CHN2: variants seen among roughly 807,000 people sequenced by gnomAD.
The protein encoded by CHN2 is beta-chimaerin.
In CHN2, 35 loss-of-function variants were observed where a neutral mutation model predicts 56.3. The observed-to-expected ratio is 0.62, with a 90% CI of 0.47 to 0.82. The LOEUF is 0.82. Ranked by LOEUF, CHN2 falls within the 40% of genes least tolerant of loss-of-function variation. The pLI, the probability that CHN2 is intolerant of heterozygous loss-of-function variation, is 0.00. For synonymous variants in CHN2, 210 were observed against 212.8 expected, an observed-to-expected ratio of 0.99 and a Z score of 0.12; for missense variants, 491 against 580.5, an observed-to-expected ratio of 0.85 and a Z score of 1.58.
rs534062565 is a variant in CHN2, at chr7:29,348,412, C to T, written c.50-6213C>T. Among the ~76,000 whole-genome samples, 7 of 152,196 alleles carry T rather than the reference C, an allele frequency of 4.6e-5. No individual in the cohort carries two copies. The South Asian group carries it at 8.3e-4, about 18-fold the overall frequency. On this transcript the variant is annotated intron_variant, in intron 1 of 12. Coordinates refer to ENST00000222792, the MANE Select transcript of CHN2 (RefSeq NM_004067.4). ...TTTCTTTTCTTAACATGTTCAGATT[C>T]TTTATGGATTATTTCAACGGTCTTA...
chr7:29,212,281 C>G, intron 1 of CHN2: 1 of 1,060,880 alleles, frequency 9.4e-7, no homozygotes, highest in Non-Finnish European at 1.4e-6. Context: ...AATTTTTTCC[C>G]CCTCTTCCTC....
intron 1 of CHN2, among the ~76,000 whole-genome samples, chr7:29,264,595 A>T (rs1789956282): frequency 6.6e-6 from 1 of 152,254 alleles, no homozygotes; most frequent in East Asian, 1.9e-4. Context: ...TGCTTTGTTG[A>T]ACAGATGCTT....
intron 2 of CHN2, among the ~76,000 whole-genome samples, chr7:29,174,627 G>A (rs188595778): frequency 9.9e-5 from 15 of 152,256 alleles, no homozygotes; most frequent in Admixed American, 2.0e-4. Context: ...TTGGGAGGCC[G>A]ACTTGGGCGG....
At chr7:29,339,315 C>T (rs1396860497) in intron 1 of CHN2, among the ~76,000 whole-genome samples, 2 of 152,008 alleles carry the variant, frequency 1.3e-5, no homozygotes, top group African/African-American at 4.8e-5. Context: ...CCCTACCTCT[C>T]CTGACCCTCG....
chr7:29,231,900 C>T (rs574695732), intron 1 of CHN2, among the ~76,000 whole-genome samples: 1 of 152,192 alleles, frequency 6.6e-6, no homozygotes, highest in Non-Finnish European at 1.5e-5. Flanking sequence ...TGAGTGTCTG[C>T]AGATTGTTGC....
At chr7:29,180,146 T>G (rs1797877965) in intron 2 of CHN2, among the ~76,000 whole-genome samples, 1 of 152,226 alleles carries the variant, frequency 6.6e-6, no homozygotes, top group South Asian at 2.1e-4. Flanking sequence ...AGTTTTTTTA[T>G]TAGAAAGGAA....
intron 1 of CHN2, among the ~76,000 whole-genome samples, chr7:29,276,625 A>G (rs959327804): frequency 1.3e-5 from 2 of 152,236 alleles, no homozygotes; most frequent in African/African-American, 4.8e-5. Context: ...AAGAAATTGC[A>G]TGTAAATAAA....
chr7:29,367,347 A>G (rs1354023202), intron 2 of CHN2, among the ~76,000 whole-genome samples: 3 of 152,204 alleles, frequency 2.0e-5, no homozygotes, highest in Admixed American at 6.5e-5. Context: ...AGGAATGACA[A>G]TGGATGGGAA....
intron 1 of CHN2, among the ~76,000 whole-genome samples, chr7:29,223,147 A>G (rs1785931429): frequency 6.6e-6 from 1 of 152,186 alleles, no homozygotes; most frequent in South Asian, 2.1e-4. Context: ...TAAAAATAAC[A>G]ATGATATATC....
chr7:29,194,838 G>T lies in CHN2; in HGVS notation c.-104G>T. 9.1e-7 allele frequency: 1 copy of T among 1,102,306 alleles called. No individual in the cohort carries two copies. The allele number at this position is 1,102,306 out of a possible 1,614,324, so 68.3% of individuals were successfully genotyped here. On this transcript the variant is annotated 5_prime_UTR_variant, in exon 1 of 13. Coordinates refer to ENST00000222792, the MANE Select transcript of CHN2 (RefSeq NM_004067.4). ...GCTTTCTGCGCGTCCCCAGGACTTT[G>T]CCATGGGCTGGGGGCCGCGGAGGCT...
intron 1 of CHN2, among the ~76,000 whole-genome samples, chr7:29,198,399 T>TGGCG (rs1198431959): frequency 5.3e-5 from 8 of 152,262 alleles, no homozygotes; most frequent in African/African-American, 1.9e-4. Context: ...ATGTGTCATT[T>TGGCG]ATTCTATGGT....
Position 29,175,613 on chromosome 7 carries a change from T to A in CHN2, c.274+28653T>A, listed in dbSNP as rs75907734. ...AGCCGTATGGAACTGAGTCAATTTT[T>A]CCTCTTATCTTTGTAGATTACCAAT... On this transcript the variant is annotated intron_variant, in intron 2 of 6. Coordinates refer to the CHN2 transcript ENST00000439384. Among the ~76,000 whole-genome samples the A allele has an allele frequency of 2.9e-3, 440 of 152,298 alleles. 2 individuals are homozygous for A. The highest frequency in any genetic ancestry group is 0.01 in the African/African-American group (423 of 41,540).
intron 6 of CHN2, among the ~76,000 whole-genome samples, chr7:29,405,947 A>T (rs1802615736): frequency 6.6e-6 from 1 of 152,118 alleles, no homozygotes; most frequent in Non-Finnish European, 1.5e-5. Context: ...CAGGCCAAGG[A>T]GTGAATGTCC....
chr7:29,442,988 C>T (rs532102504), intron 6 of CHN2, among the ~76,000 whole-genome samples: 24 of 133,750 alleles, frequency 1.8e-4, no homozygotes, highest in Admixed American at 5.4e-4. Context: ...GGCCAGACTG[C>T]AGACTGCAGT....
intron 1 of CHN2, among the ~76,000 whole-genome samples, chr7:29,294,542 T>A (rs1429922151): frequency 6.6e-6 from 1 of 152,170 alleles, no homozygotes; most frequent in African/African-American, 2.4e-5. Flanking sequence ...ACCATTTTTG[T>A]GCCGCGTTGA....
chr7:29,364,818 A>AATTTGAGGT (rs771942801), intron 2 of CHN2, among the ~76,000 whole-genome samples: 2 of 152,210 alleles, frequency 1.3e-5, no homozygotes, highest in Admixed American at 6.5e-5. Flanking sequence ...TACATTGAGG[A>AATTTGAGGT]ATCTTTGTCC....
chr7:29,173,896 G>A (rs187058907), intron 2 of CHN2, among the ~76,000 whole-genome samples: 2 of 151,138 alleles, frequency 1.3e-5, no homozygotes, highest in Admixed American at 1.3e-4. Context: ...AGGCTGCAGT[G>A]AGCTGAGATC....
intron 2 of CHN2, among the ~76,000 whole-genome samples, chr7:29,177,580 T>C (rs538581369): frequency 6.6e-6 from 1 of 150,588 alleles, no homozygotes; most frequent in South Asian, 2.1e-4. Flanking sequence ...TTTAATTTAC[T>C]GGCTTTTCCT....
At chr7:29,358,743 A>C (rs1013988947) in intron 2 of CHN2, among the ~76,000 whole-genome samples, 3 of 152,174 alleles carry the variant, frequency 2.0e-5, no homozygotes, top group East Asian at 1.9e-4. Flanking sequence ...GGATTACAGG[A>C]GTGAGCCACC....
Sources: allele counts gnomAD v4.1 joint callset (sites outside exome capture counted in the v4.1 genomes callset), GRCh38; gene constraint gnomAD v4.1.1; transcripts MANE v1.5; gene names NCBI Gene and HGNC (gene_info 2026-07-23, HGNC 2026-07-21).